TRPM3: variants seen among roughly 807,000 people sequenced by gnomAD.
TRPM3 encodes long transient receptor potential channel 3.
TRPM3 carries 77 observed loss-of-function variants against 181.2 expected under a neutral mutation model. The observed-to-expected ratio is 0.42, with a 90% CI of 0.35 to 0.51. TRPM3 has a LOEUF of 0.51. Ranked by LOEUF, TRPM3 falls within the 20% of genes least tolerant of loss-of-function variation. TRPM3 has a pLI of 0.01. For missense variants in TRPM3, 1,759 were observed against 2,196.7 expected, an observed-to-expected ratio of 0.80 and a Z score of 3.98; for synonymous variants, 745 against 796.4, an observed-to-expected ratio of 0.94 and a Z score of 1.09.
intron 8 of TRPM3, among the ~76,000 whole-genome samples, chr9:70,752,830 C>T (rs2076418907): frequency 6.6e-6 from 1 of 152,108 alleles, no homozygotes; most frequent in Non-Finnish European, 1.5e-5. Flanking sequence ...ACTCTATGGG[C>T]TGGGAGTGGT....
Position 71,361,639 on chromosome 9 carries a change from G to A in TRPM3, c.183+85014C>T, listed in dbSNP as rs139286112. On this transcript the variant is annotated intron_variant, in intron 1 of 24. Transcript: ENST00000357533. ...CATATGCAAGCTCTCCTTTGGACTA[G>A]ATTGCATATTTATCGGTAGGGTCCC... is the stretch of plus-strand genomic sequence containing the variant. 7.9e-5 allele frequency among the ~76,000 whole-genome samples: 12 copies of A among 152,280 alleles called. No homozygotes were observed. The East Asian group carries it at 2.1e-3, about 27-fold the overall frequency.
At chr9:70,600,806 C>T (rs1473434106) in intron 20 of TRPM3, among the ~76,000 whole-genome samples, 1 of 152,190 alleles carries the variant, frequency 6.6e-6, no homozygotes, top group Non-Finnish European at 1.5e-5. Context: ...ATGGGCAATG[C>T]CTTGAGCTTT....
At chr9:71,089,884 T>C (rs2065915267) in intron 1 of TRPM3, among the ~76,000 whole-genome samples, 1 of 152,102 alleles carries the variant, frequency 6.6e-6, no homozygotes. Flanking sequence ...TCAGCCTCCC[T>C]GGACCATACT....
chr9:71,334,714 T>G (rs191916195), intron 1 of TRPM3, among the ~76,000 whole-genome samples: 1 of 152,266 alleles, frequency 6.6e-6, no homozygotes, highest in African/African-American at 2.4e-5. Flanking sequence ...TCCTGAACCA[T>G]TCCACCATAG....
chr9:71,413,150 G>A (rs2093585914), intron 1 of TRPM3, among the ~76,000 whole-genome samples: 1 of 152,072 alleles, frequency 6.6e-6, no homozygotes, highest in Admixed American at 6.6e-5. Context: ...TAATGTAAGT[G>A]ACGAGTTAAT....
intron 1 of TRPM3, among the ~76,000 whole-genome samples, chr9:71,343,180 C>A (rs2091075633): frequency 2.0e-5 from 3 of 151,778 alleles, no homozygotes; most frequent in Non-Finnish European, 4.4e-5. Flanking sequence ...ATAATTTTGA[C>A]CTTGAGAGCG....
chr9:70,906,019 G>A (rs930871457), intron 1 of TRPM3, among the ~76,000 whole-genome samples: 1 of 152,108 alleles, frequency 6.6e-6, no homozygotes, highest in Admixed American at 6.6e-5. Flanking sequence ...ACCTAGGCCA[G>A]CAGAGATTCA....
chr9:71,032,115 TTA>T (rs1184731875), intron 1 of TRPM3, among the ~76,000 whole-genome samples: 10 of 91,384 alleles, frequency 1.1e-4, no homozygotes, highest in African/African-American at 3.6e-4. Flanking sequence ...ATATATTATA[TTA>T]TATATATTAA....
intron 1 of TRPM3, among the ~76,000 whole-genome samples, chr9:71,172,755 C>A (rs1281787920): frequency 5.3e-5 from 8 of 152,160 alleles, no homozygotes; most frequent in African/African-American, 1.9e-4. Context: ...TTAGAAAAAT[C>A]TCCAAACAGA....
At chr9:71,431,933 T>G (rs1211189401) in intron 1 of TRPM3, among the ~76,000 whole-genome samples, 3 of 152,212 alleles carry the variant, frequency 2.0e-5, no homozygotes, top group Non-Finnish European at 4.4e-5. Flanking sequence ...ACACAATTAC[T>G]GAGTTTCTAC....
At chr9:71,153,291 A>ATTTTTT (rs370590474) in intron 1 of TRPM3, among the ~76,000 whole-genome samples, 2 of 140,032 alleles carry the variant, frequency 1.4e-5, no homozygotes, top group Non-Finnish European at 1.5e-5. Flanking sequence ...GGCGCCATTA[A>ATTTTTT]TTTTTTTTTT....
intron 1 of TRPM3, among the ~76,000 whole-genome samples, chr9:71,096,584 A>ACTCTCTCTCT (rs2067257095): frequency 2.9e-5 from 3 of 104,852 alleles, no homozygotes; most frequent in African/African-American, 1.4e-4. Context: ...ACACACACAC[A>ACTCTCTCTCT]CACACACTCT....
intron 8 of TRPM3, among the ~76,000 whole-genome samples, chr9:70,689,453 CTG>C (rs934227624): frequency 6.6e-6 from 1 of 151,334 alleles, no homozygotes; most frequent in African/African-American, 2.4e-5. Flanking sequence ...GAAAAGTAGA[CTG>C]TGAAAAGTTA....
chr9:71,317,199 G>A (rs1029785372), intron 1 of TRPM3, among the ~76,000 whole-genome samples: 3 of 152,158 alleles, frequency 2.0e-5, no homozygotes, highest in Admixed American at 2.0e-4. Flanking sequence ...ACCTTAAAAA[G>A]AGAGCTGAAT....
chr9:71,306,435 ATAAC>A (rs1356606876), intron 1 of TRPM3, among the ~76,000 whole-genome samples: 1 of 152,176 alleles, frequency 6.6e-6, no homozygotes, highest in East Asian at 1.9e-4. Context: ...TAATATTTCT[ATAAC>A]TAATAGACAT....
At chr9:71,346,480 C>T (rs1315342131) in intron 1 of TRPM3, among the ~76,000 whole-genome samples, 1 of 152,170 alleles carries the variant, frequency 6.6e-6, no homozygotes, top group Non-Finnish European at 1.5e-5. Flanking sequence ...ATTGCATTAG[C>T]TTTCTGGTAA....
At chr9:71,344,850 A>G (rs2091197298) in intron 1 of TRPM3, among the ~76,000 whole-genome samples, 1 of 152,202 alleles carries the variant, frequency 6.6e-6, no homozygotes, top group African/African-American at 2.4e-5. Flanking sequence ...CTTATAAACA[A>G]TATATAAGGA....
In TRPM3 at chr9:71,421,388, A is replaced by G. The variant is rs1179273702; in HGVS notation, c.183+25265T>C. ...AGTTGAAATTTAAAAAAAAAGGAAGAAAAGCTTTCTTCCCTCCCTCTATTG... is the reference window on the plus strand; with the variant it reads ...AGTTGAAATTTAAAAAAAAAGGAAGGAAAGCTTTCTTCCCTCCCTCTATTG... On this transcript the variant is annotated intron_variant, in intron 1 of 24. Coordinates refer to the TRPM3 transcript ENST00000357533. 2.0e-5 allele frequency among the ~76,000 whole-genome samples: 3 copies of G among 151,832 alleles called. No individual in the cohort carries two copies. In the South Asian group the frequency reaches 6.2e-4, roughly 32 times the overall value.
chr9:70,561,395 A>G (rs1192053248), intron 22 of TRPM3, among the ~76,000 whole-genome samples: 1 of 152,160 alleles, frequency 6.6e-6, no homozygotes, highest in Admixed American at 6.5e-5. Flanking sequence ...CTCCCTTTGC[A>G]TGGCTACATC....
Sources: gnomAD v4.1 joint callset for allele counts (sites outside exome capture counted in the v4.1 genomes callset) on GRCh38, gnomAD v4.1.1 for gene constraint, MANE v1.5 for transcripts, NCBI Gene and HGNC (gene_info 2026-07-23, HGNC 2026-07-21) for gene names.